Variants in FGF13 observed in about 807,000 individuals in gnomAD.
FGF13 encodes fibroblast growth factor 13.
FGF13 carries 2 observed loss-of-function variants against 19.5 expected under a neutral mutation model. That is an observed-to-expected ratio of 0.10 (90% CI 0.04 to 0.32). The LOEUF is 0.32. Among genes scored for constraint, FGF13 ranks in the 10% least tolerant of loss-of-function variants. The probability of loss-of-function intolerance (pLI) is 1.00; values close to 1 mark genes in which losing one functional copy is unlikely to be tolerated. For synonymous variants in FGF13, 72 were observed against 76.9 expected, an observed-to-expected ratio of 0.94 and a Z score of 0.33; for missense variants, 113 against 192.7, an observed-to-expected ratio of 0.59 and a Z score of 2.45.
chrX:138,794,414 A>C (rs73565564), intron 3 of FGF13, among the ~76,000 whole-genome samples: 1,196 of 111,739 alleles, frequency 0.011, 13 homozygotes, highest in African/African-American at 0.037. Flanking sequence ...GTAGCTATGA[A>C]GATTGGATGA....
chrX:138,847,220 G>T (rs751661252), intron 3 of FGF13, among the ~76,000 whole-genome samples: 1 of 111,603 alleles, frequency 9.0e-6, no homozygotes, highest in South Asian at 3.8e-4. Context: ...TCATTTACTG[G>T]TGAAGTGACT....
intron 3 of FGF13, among the ~76,000 whole-genome samples, chrX:138,668,886 A>G (rs2089582363): frequency 9.0e-6 from 1 of 111,328 alleles, no homozygotes; most frequent in Non-Finnish European, 1.9e-5. Flanking sequence ...GACTGAAGGG[A>G]GAAATGGATT....
intron 1 of FGF13, among the ~76,000 whole-genome samples, chrX:139,182,058 A>C (rs1473584264): frequency 9.0e-6 from 1 of 111,020 alleles, no homozygotes; most frequent in East Asian, 2.8e-4. Flanking sequence ...CTTAAGTAAT[A>C]ATAATAATAG....
chrX:138,915,729 T>C (rs1442663865), intron 1 of FGF13, among the ~76,000 whole-genome samples: 1 of 112,081 alleles, frequency 8.9e-6, no homozygotes, highest in African/African-American at 3.2e-5. Context: ...TCTTCAGAGA[T>C]GTAAAAATGC....
At chrX:138,823,920 T>A (rs2091016258) in intron 3 of FGF13, among the ~76,000 whole-genome samples, 1 of 112,140 alleles carries the variant, frequency 8.9e-6, no homozygotes, top group African/African-American at 3.2e-5. Context: ...AACCTGTAAC[T>A]CATTTTCTTG....
chrX:138,953,725 C>T (rs1426878056), intron 1 of FGF13, among the ~76,000 whole-genome samples: 1 of 110,987 alleles, frequency 9.0e-6, no homozygotes, highest in Non-Finnish European at 1.9e-5. Context: ...TCATACATTG[C>T]AACACTACTT....
intron 1 of FGF13, among the ~76,000 whole-genome samples, chrX:139,173,092 T>C (rs1406493413): frequency 8.9e-6 from 1 of 112,171 alleles, no homozygotes; most frequent in African/African-American, 3.2e-5. Flanking sequence ...AATTTGCAAG[T>C]GCCAACGAAT....
At position 139,079,339 on chromosome X, in the gene FGF13, C is replaced by G. The variant is rs191004085; in HGVS notation, c.-113+124077G>C. On this transcript the variant is annotated intron_variant, in intron 1 of 2. Transcript: ENST00000421460. ...TTATAGAGAGGGCAGGGGCAAGAGA[C>G]GGGATCACAATATGGAGAACAAGAC... Among the ~76,000 whole-genome samples, 20 of 110,824 alleles carry G rather than the reference C, an allele frequency of 1.8e-4. No homozygotes were observed. In the East Asian group the frequency reaches 5.4e-3, roughly 30 times the overall value.
At chrX:138,762,478 T>C (rs761408859) in intron 3 of FGF13, among the ~76,000 whole-genome samples, 29 of 112,547 alleles carry the variant, frequency 2.6e-4, no homozygotes, top group African/African-American at 9.0e-4. Context: ...ATTAATTGGC[T>C]GGTTGTTCAA....
Position 138,843,616 on chromosome X carries a change from C to T in FGF13, c.217+13896G>A, listed in dbSNP as rs181520573. Among the ~76,000 whole-genome samples, 49 of 111,551 alleles carry T rather than the reference C, an allele frequency of 4.4e-4. No individual in the cohort carries two copies. In the East Asian group the frequency reaches 7.6e-3, roughly 17 times the overall value. Reference sequence around the variant, plus strand: ...GCAGTCAGCAAAAAGTGTCTAAAAGCTCTAGTCTCTCATGTTAGTTTAGAA... The same window carrying T: ...GCAGTCAGCAAAAAGTGTCTAAAAGTTCTAGTCTCTCATGTTAGTTTAGAA... On this transcript the variant is annotated intron_variant, in intron 3 of 6. Transcript: ENST00000436198.
At chrX:138,816,165 CAGAT>C (rs1199520145) in intron 3 of FGF13, among the ~76,000 whole-genome samples, 5 of 111,591 alleles carry the variant, frequency 4.5e-5, no homozygotes, top group Non-Finnish European at 5.7e-5. Flanking sequence ...AAACAAATCT[CAGAT>C]AGAACAATGA....
chrX:138,865,486 C>CCTCTCTCTCTCCT, intron 1 of FGF13, among the ~76,000 whole-genome samples: 1 of 93,069 alleles, frequency 1.1e-5, no homozygotes, highest in Non-Finnish European at 2.2e-5. Context: ...CTCTCTCTCT[C>CCTCTCTCTCTCCT]CTCTCTCTCT....
chrX:138,704,883 C>A (rs1172133596), intron 2 of FGF13, among the ~76,000 whole-genome samples: 1 of 112,614 alleles, frequency 8.9e-6, no homozygotes, highest in Non-Finnish European at 1.9e-5. Context: ...AGTCTGACAT[C>A]TCTGAGCATG....
chrX:138,807,785 G>T (rs1046316506), intron 3 of FGF13, among the ~76,000 whole-genome samples: 13 of 111,349 alleles, frequency 1.2e-4, no homozygotes, highest in African/African-American at 2.9e-4. Context: ...AAAAGCAGGG[G>T]TTGCAATCCT....
intron 1 of FGF13, among the ~76,000 whole-genome samples, chrX:139,025,332 C>A (rs2092196980): frequency 8.9e-6 from 1 of 112,057 alleles, no homozygotes; most frequent in Non-Finnish European, 1.9e-5. Flanking sequence ...TGACCCTGTT[C>A]AGTCTTTACT....
At chrX:138,739,059 T>A (rs1396001755) in intron 1 of FGF13, among the ~76,000 whole-genome samples, 1 of 110,250 alleles carries the variant, frequency 9.1e-6, no homozygotes, top group Non-Finnish European at 1.9e-5. Context: ...TCCAAAAGAA[T>A]CCATTCTTAA....
intron 4 of FGF13, among the ~76,000 whole-genome samples, chrX:138,635,033 T>A: frequency 8.9e-6 from 1 of 112,135 alleles, no homozygotes; most frequent in Admixed American, 9.5e-5. Flanking sequence ...AAATGTGGTA[T>A]ATATATACAC....
intron 1 of FGF13, among the ~76,000 whole-genome samples, chrX:139,067,067 G>A (rs2092359382): frequency 9.0e-6 from 1 of 111,642 alleles, no homozygotes; most frequent in Admixed American, 9.5e-5. Context: ...AAAGGCCTTC[G>A]ATAAAATTGA....
intron 1 of FGF13, among the ~76,000 whole-genome samples, chrX:138,941,086 A>G (rs2091755993): frequency 9.0e-6 from 1 of 111,399 alleles, no homozygotes; most frequent in Non-Finnish European, 1.9e-5. Flanking sequence ...ACCATCTATG[A>G]CAAACCCACA....
Sources: gnomAD v4.1 joint callset for allele counts (sites outside exome capture counted in the v4.1 genomes callset) on GRCh38, gnomAD v4.1.1 for gene constraint, MANE v1.5 for transcripts, NCBI Gene and HGNC (gene_info 2026-07-23, HGNC 2026-07-21) for gene names.